Variants in GALNTL6 observed in about 807,000 individuals in gnomAD.
The protein encoded by GALNTL6 is polypeptide N-acetylgalactosaminyltransferase-like 6.
GALNTL6 carries 46 observed loss-of-function variants against 73.7 expected under a neutral mutation model. The ratio of observed to expected loss-of-function variants is 0.62; its 90% confidence interval spans 0.49 to 0.80. GALNTL6 has a LOEUF of 0.80. GALNTL6 is among the 30% of genes least tolerant of loss of function. GALNTL6 has a pLI of 0.00. For missense variants in GALNTL6, 604 were observed against 755.0 expected (o/e 0.80, Z 2.34); for synonymous variants, 259 against 263.7 (o/e 0.98, Z 0.17).
At chr4:172,327,625 A>C (rs540376048) in intron 4 of GALNTL6, among the ~76,000 whole-genome samples, 2 of 151,438 alleles carry the variant, frequency 1.3e-5, no homozygotes, top group East Asian at 3.9e-4. Flanking sequence ...GTTGAATTGA[A>C]CCCTTCACCA....
At position 172,467,456 on chromosome 4, in the gene GALNTL6, G is replaced by A. The variant is rs528917608; in HGVS notation, c.553+118767G>A. Among the ~76,000 whole-genome samples the A allele has an allele frequency of 2.6e-5, 4 of 152,322 alleles. No homozygotes were observed. In the East Asian group the frequency reaches 7.7e-4, roughly 29 times the overall value. On this transcript the variant is annotated intron_variant, in intron 5 of 12. Transcript: ENST00000506823. ...ATTTCTGCAGCTTGACTGGCTGATG[G>A]TTGGGGTCCCTTGGCCCTCCCATAT...
chr4:172,996,460 C>T (rs934107974), intron 10 of GALNTL6, among the ~76,000 whole-genome samples: 6 of 151,978 alleles, frequency 3.9e-5, no homozygotes, highest in African/African-American at 1.5e-4. Flanking sequence ...ATCTGGGTGA[C>T]AAAATAATCT....
At chr4:172,604,070 C>T (rs1161722747) in intron 5 of GALNTL6, among the ~76,000 whole-genome samples, 1 of 152,140 alleles carries the variant, frequency 6.6e-6, no homozygotes, top group East Asian at 1.9e-4. Context: ...CCCTGCTGAG[C>T]GGTGCATTAG....
chr4:172,219,281 T>A (rs1736599523), intron 2 of GALNTL6, among the ~76,000 whole-genome samples: 1 of 147,584 alleles, frequency 6.8e-6, no homozygotes, highest in African/African-American at 2.5e-5. Context: ...AAGTAATTTT[T>A]TAAAAAAATT....
chr4:172,073,496 T>C (rs555405784), intron 2 of GALNTL6, among the ~76,000 whole-genome samples: 47 of 152,282 alleles, frequency 3.1e-4, no homozygotes, highest in African/African-American at 1.1e-3. Context: ...GGGTGCCTTC[T>C]GGAGATAACA....
At chr4:172,305,910 A>C (rs996827517) in intron 3 of GALNTL6, among the ~76,000 whole-genome samples, 6 of 152,244 alleles carry the variant, frequency 3.9e-5, no homozygotes, top group African/African-American at 1.4e-4. Flanking sequence ...ATTGATGTAC[A>C]AATAAAATAA....
At chr4:172,408,443 A>T (rs1034076228) in intron 5 of GALNTL6, among the ~76,000 whole-genome samples, 5 of 152,060 alleles carry the variant, frequency 3.3e-5, no homozygotes, top group Non-Finnish European at 7.4e-5. Flanking sequence ...AAATAAATTT[A>T]AAAAATATAT....
At chr4:172,969,297 C>A (rs1561062227) in intron 10 of GALNTL6, among the ~76,000 whole-genome samples, 1 of 151,920 alleles carries the variant, frequency 6.6e-6, no homozygotes, top group Non-Finnish European at 1.5e-5. Flanking sequence ...AACTAATAAA[C>A]CAGACACAAA....
chr4:172,400,813 C>T (rs1050457484), intron 5 of GALNTL6, among the ~76,000 whole-genome samples: 1 of 152,188 alleles, frequency 6.6e-6, no homozygotes, highest in South Asian at 2.1e-4. Context: ...CGAGCCTCCA[C>T]GTGAAGTCAG....
intron 2 of GALNTL6, among the ~76,000 whole-genome samples, chr4:171,990,978 A>C (rs1342778043): frequency 6.6e-6 from 1 of 152,204 alleles, no homozygotes; most frequent in Non-Finnish European, 1.5e-5. Flanking sequence ...GGAAAAAAGC[A>C]TCAGAATTTT....
At chr4:172,807,846 A>C (rs1053358738) in intron 5 of GALNTL6, among the ~76,000 whole-genome samples, 1 of 152,146 alleles carries the variant, frequency 6.6e-6, no homozygotes, top group Non-Finnish European at 1.5e-5. Flanking sequence ...TTTCGGAGAC[A>C]CAGTCTCACT....
chr4:172,650,310 A>C (rs540511175), intron 5 of GALNTL6, among the ~76,000 whole-genome samples: 14 of 152,328 alleles, frequency 9.2e-5, no homozygotes, highest in African/African-American at 3.4e-4. Flanking sequence ...TTTGTATAAG[A>C]AGAAATAGCA....
intron 2 of GALNTL6, among the ~76,000 whole-genome samples, chr4:171,869,031 A>G (rs114345543): frequency 1.8e-4 from 27 of 152,314 alleles, no homozygotes; most frequent in African/African-American, 6.5e-4. Context: ...CGCCTCTTCT[A>G]GCTTAACAAC....
At chr4:172,724,798 A>G (rs545351391) in intron 5 of GALNTL6, among the ~76,000 whole-genome samples, 1 of 152,326 alleles carries the variant, frequency 6.6e-6, no homozygotes, top group Non-Finnish European at 1.5e-5. Context: ...CCTGAGAAAG[A>G]GAAAAAGAAA....
chr4:172,899,351 A>G (rs922100936), intron 8 of GALNTL6, among the ~76,000 whole-genome samples: 18 of 152,166 alleles, frequency 1.2e-4, no homozygotes, highest in African/African-American at 4.3e-4. Flanking sequence ...TCCCTGAAAT[A>G]CCATCTATTA....
At chr4:172,065,486 A>G (rs1311288664) in intron 2 of GALNTL6, among the ~76,000 whole-genome samples, 1 of 152,146 alleles carries the variant, frequency 6.6e-6, no homozygotes, top group Non-Finnish European at 1.5e-5. Context: ...CCCAATTCAA[A>G]TGTAACATCA....
At chr4:171,968,171 C>T (rs1277093946) in intron 2 of GALNTL6, among the ~76,000 whole-genome samples, 1 of 152,038 alleles carries the variant, frequency 6.6e-6, no homozygotes, top group Non-Finnish European at 1.5e-5. Flanking sequence ...GCCGGAATGC[C>T]CCTTGCCAAA....
At chr4:172,049,563 G>A (rs1730768493) in intron 2 of GALNTL6, among the ~76,000 whole-genome samples, 1 of 152,160 alleles carries the variant, frequency 6.6e-6, no homozygotes, top group Admixed American at 6.6e-5. Context: ...TAGAAGTTGT[G>A]CCAGCTACAA....
intron 3 of GALNTL6, among the ~76,000 whole-genome samples, chr4:172,241,549 C>G (rs1260280716): frequency 6.6e-6 from 1 of 152,172 alleles, no homozygotes; most frequent in Non-Finnish European, 1.5e-5. Flanking sequence ...ATTTCATAAT[C>G]TTACACTTCA....
Sources: gnomAD v4.1 joint callset for allele counts (sites outside exome capture counted in the v4.1 genomes callset) on GRCh38, gnomAD v4.1.1 for gene constraint, MANE v1.5 for transcripts, NCBI Gene and HGNC (gene_info 2026-07-23, HGNC 2026-07-21) for gene names.